MSI2: variants seen among roughly 807,000 people sequenced by gnomAD.
MSI2 encodes the protein musashi RNA binding protein 2.
A neutral mutation model predicts 45.6 loss-of-function variants in MSI2; 17 were observed. That is an observed-to-expected ratio of 0.37 (90% CI 0.26 to 0.56). The LOEUF is 0.56. MSI2 is among the 20% of genes least tolerant of loss of function. The probability of loss-of-function intolerance (pLI) is 0.77; values close to 1 mark genes in which losing one functional copy is unlikely to be tolerated. For missense variants in MSI2, 293 were observed against 444.2 expected (o/e 0.66, Z 3.06); for synonymous variants, 156 against 158.2 (o/e 0.99, Z 0.11).
chr17:57,680,539 G>GTTT lies in MSI2; in HGVS notation c.*1023_*1025dup, dbSNP rs1318154901. 1 of 228,874 alleles carries GTTT rather than the reference G, an allele frequency of 4.4e-6. No homozygotes were observed. Among genetic ancestry groups the GTTT allele is most frequent in the Non-Finnish European group, 8.7e-6 (1 of 115,398 alleles). The allele number at this position is 228,874 out of a possible 1,614,324, so 14.2% of individuals were successfully genotyped here. On this transcript the variant is annotated 3_prime_UTR_variant, in exon 14 of 14. Coordinates refer to ENST00000284073, the MANE Select transcript of MSI2 (RefSeq NM_138962.4). Reference sequence around the variant, plus strand: ...CCACCCCAGGACAAGTTAGAGCACTGTTTAGCTCCTTTGTCTGTGTGATAG... The same window carrying GTTT: ...CCACCCCAGGACAAGTTAGAGCACTGTTTTTTAGCTCCTTTGTCTGTGTGATAG...
chr17:57,315,541 T>G (rs1939187683), intron 5 of MSI2, among the ~76,000 whole-genome samples: 1 of 152,114 alleles, frequency 6.6e-6, no homozygotes, highest in African/African-American at 2.4e-5. Context: ...TACCAAAGGT[T>G]CTTGAAGGCT....
At chr17:57,689,842 G>A in the MSI2 span, among the ~76,000 whole-genome samples, 2 of 152,100 alleles carry the variant, frequency 1.3e-5, no homozygotes, top group Non-Finnish European at 2.9e-5. Context: ...ATTCATCAAT[G>A]TTTTGTGTAT....
intron 5 of MSI2, among the ~76,000 whole-genome samples, chr17:57,361,090 A>G (rs1916779535): frequency 6.6e-6 from 1 of 152,172 alleles, no homozygotes; most frequent in Non-Finnish European, 1.5e-5. Flanking sequence ...TATGTTGTGC[A>G]CAGTTAATAT....
the MSI2 span, among the ~76,000 whole-genome samples, chr17:57,692,144 G>A: frequency 0.012 from 1,758 of 152,172 alleles, 25 homozygotes; most frequent in African/African-American, 0.037. Context: ...CTGATATTGC[G>A]ATTATATTAA....
chr17:57,583,488 C>CTTTTTTTTTTT lies in MSI2; in HGVS notation c.455-13371_455-13361dup, dbSNP rs5821192. On this transcript the variant is annotated intron_variant, in intron 7 of 13. Transcript: ENST00000284073. ...TACTTTTTTCCTTCTCCCAATGTTT[C>CTTTTTTTTTTT]TTTTTTTTTTTTTTTTTTTGAGACA... Among the ~76,000 whole-genome samples, 27 of 98,020 alleles carry CTTTTTTTTTTT rather than the reference C, an allele frequency of 2.8e-4. 1 individual carries two copies. The highest frequency in any genetic ancestry group is 7.3e-4 in the South Asian group (2 of 2,724). The allele number at this position is 98,020 out of a possible 152,430, so 64.3% of individuals were successfully genotyped here.
intron 8 of MSI2, among the ~76,000 whole-genome samples, chr17:57,605,307 G>A (rs186116124): frequency 1.3e-5 from 2 of 152,340 alleles, no homozygotes; most frequent in East Asian, 3.9e-4. Flanking sequence ...GTGGTTCGGT[G>A]GTAAATGTTT....
chr17:57,453,331 C>T (rs2085054184), intron 6 of MSI2, among the ~76,000 whole-genome samples: 1 of 152,132 alleles, frequency 6.6e-6, no homozygotes, highest in South Asian at 2.1e-4. Flanking sequence ...CTTGTGGTCA[C>T]TTCCCTGCAA....
At position 57,633,264 on chromosome 17, in the gene MSI2, C is replaced by T. The variant is rs1909567489; in HGVS notation, c.727+5961C>T. 10 of 813,398 alleles carry T rather than the reference C, an allele frequency of 1.2e-5. 1 individual carries two copies. The Admixed American group carries it at 2.4e-4, about 20-fold the overall frequency. 50.4% of individuals were successfully genotyped at this position (813,398 alleles called of 1,614,324 possible). A position where few individuals can be genotyped will look rare whatever the true frequency, so the allele number is the denominator to read the frequency against. On this transcript the variant is annotated intron_variant, in intron 10 of 13. Coordinates refer to ENST00000284073, the MANE Select transcript of MSI2 (RefSeq NM_138962.4). ...AGGTGAATGCACTGAATAACCAGCA[C>T]CGATGACAGCCTAGTGCAGTTTCTA...
At chr17:57,500,536 GTT>G (rs1251571314) in intron 6 of MSI2, among the ~76,000 whole-genome samples, 9 of 151,888 alleles carry the variant, frequency 5.9e-5, no homozygotes, top group Non-Finnish European at 2.9e-5. Flanking sequence ...AGAGCAGCTA[GTT>G]TTTTACAACC....
chr17:57,657,509 G>C (rs920814192), intron 11 of MSI2, among the ~76,000 whole-genome samples: 14 of 152,212 alleles, frequency 9.2e-5, no homozygotes, highest in Non-Finnish European at 1.9e-4. Flanking sequence ...TGGCTTTGCT[G>C]CCCTGTGGCT....
At position 57,262,098 on chromosome 17, in the gene MSI2, A is replaced by G. The variant is rs1309684245; in HGVS notation, c.271-53A>G. 31 of 1,569,376 alleles carry G rather than the reference A, an allele frequency of 2.0e-5. 1 individual carries two copies. The East Asian group carries it at 6.9e-4, about 35-fold the overall frequency. On this transcript the variant is annotated intron_variant, in intron 4 of 13. Coordinates refer to ENST00000284073, the MANE Select transcript of MSI2 (RefSeq NM_138962.4). ...TTAATAATTAGGTGATTAATCATAT[A>G]TTTTTTCCTTAAAGTACTTTATTGA...
At chr17:57,295,992 C>G (rs1024849702) in intron 5 of MSI2, among the ~76,000 whole-genome samples, 6 of 38,624 alleles carry the variant, frequency 1.6e-4, no homozygotes, top group African/African-American at 4.1e-4. Flanking sequence ...CGCAGCCTTC[C>G]TTTTTTTTTT....
At chr17:57,553,599 T>A (rs146689313) in intron 7 of MSI2, among the ~76,000 whole-genome samples, 3 of 152,236 alleles carry the variant, frequency 2.0e-5, no homozygotes, top group African/African-American at 7.2e-5. Context: ...GTCCGTTTTT[T>A]TCTTTTGAAA....
At chr17:57,367,891 C>A (rs1269441739) in intron 5 of MSI2, among the ~76,000 whole-genome samples, 1 of 152,054 alleles carries the variant, frequency 6.6e-6, no homozygotes, top group African/African-American at 2.4e-5. Flanking sequence ...GGGTAGGAGA[C>A]GGAGGGTGCC....
chr17:57,382,515 G>T (rs2083614623), intron 5 of MSI2, among the ~76,000 whole-genome samples: 1 of 152,190 alleles, frequency 6.6e-6, no homozygotes, highest in South Asian at 2.1e-4. Flanking sequence ...GATCTGGGGT[G>T]TGGAAATGTG....
intron 7 of MSI2, among the ~76,000 whole-genome samples, chr17:57,580,414 C>T (rs561844358): frequency 6.6e-6 from 1 of 152,232 alleles, no homozygotes; most frequent in East Asian, 1.9e-4. Context: ...CCTTGGCCCC[C>T]AGCCTACAGG....
chr17:57,401,387 A>G lies in MSI2; in HGVS notation c.321A>G (p.Thr107=), dbSNP rs61762987. The change falls in exon 6 of 14, where the codon ACA becomes ACG. Residue 107 remains threonine (T), a synonymous_variant. Transcript: ENST00000284073. Reference sequence around the variant, plus strand: ...CTTGTCATTTCTTGCAGATGGTCACAAGAACAAAGAAAATATTTGTAGGCG... The same window carrying G: ...CTTGTCATTTCTTGCAGATGGTCACGAGAACAAAGAAAATATTTGTAGGCG... ...FPRRAQPKMV[T]RTKKIFVGGL... 35,223 of 1,613,854 alleles carry G rather than the reference A, an allele frequency of 0.022. 473 individuals carry two copies. The highest frequency in any genetic ancestry group is 0.024 in the Non-Finnish European group (28,802 of 1,179,664).
chr17:57,414,687 A>C (rs986523243), intron 6 of MSI2, among the ~76,000 whole-genome samples: 16 of 152,170 alleles, frequency 1.1e-4, no homozygotes, highest in Non-Finnish European at 1.9e-4. Flanking sequence ...GGCATGAGCC[A>C]CCCTGCCCAG....
chr17:57,558,134 C>A (rs969619795), intron 7 of MSI2, among the ~76,000 whole-genome samples: 9 of 152,112 alleles, frequency 5.9e-5, no homozygotes, highest in Non-Finnish European at 1.3e-4. Context: ...TAAATAAAGG[C>A]TCTGGGGGAA....
Sources: allele counts gnomAD v4.1 joint callset (sites outside exome capture counted in the v4.1 genomes callset), GRCh38; gene constraint gnomAD v4.1.1; transcripts MANE v1.5; gene names NCBI Gene and HGNC (gene_info 2026-07-23, HGNC 2026-07-21).